The following PLEC variants were observed in gnomAD, a reference collection of about 807,000 sequenced individuals.
The protein encoded by PLEC is hemidesmosomal protein 1.
A neutral mutation model predicts 392.8 loss-of-function variants in PLEC; 216 were observed. The observed-to-expected ratio is 0.55, with a 90% CI of 0.49 to 0.62. The LOEUF (loss-of-function observed/expected upper bound fraction) is 0.62, where lower values mean the gene tolerates loss of function less well. Among genes scored for constraint, PLEC ranks in the 20% least tolerant of loss-of-function variants. The probability of loss-of-function intolerance (pLI) is 0.00; values close to 1 mark genes in which losing one functional copy is unlikely to be tolerated. For synonymous variants in PLEC, 3,621 were observed against 2,980.6 expected (o/e 1.21, Z -7.00); for missense variants, 6,863 against 6,563.4 (o/e 1.05, Z -1.58).
At position 143,919,971 on chromosome 8, in the gene PLEC, C is replaced by G. The variant is rs1554680023; in HGVS notation, c.9850G>C (p.Val3284Leu). ...ACGATGGTAATGAGAATCTTGATGA[C>G]CTTCTCCACGGTGACCTTGCCCGTG... ...FRTGKVTVEKVIKILITIVEE... is the reference protein window; with the variant it reads ...FRTGKVTVEKLIKILITIVEE... The change falls in exon 32 of 32, where the codon GTC becomes CTC. Residue 3284 changes from valine to leucine, a missense_variant. Physicochemically the swap from Val to Leu is conservative, Grantham distance 32. Coordinates refer to ENST00000345136, the MANE Select transcript of PLEC (RefSeq NM_201384.3). The G allele has an allele frequency of 6.2e-7, 1 of 1,613,374 alleles. No individual in the cohort carries two copies. Among genetic ancestry groups the G allele is most frequent in the Non-Finnish European group, 8.5e-7 (1 of 1,180,034 alleles).
intron 1 of PLEC, among the ~76,000 whole-genome samples, chr8:143,960,391 C>T (rs377416463): frequency 1.3e-5 from 2 of 151,938 alleles, no homozygotes; most frequent in Non-Finnish European, 2.9e-5. Flanking sequence ...TCAAGGCGGG[C>T]GGATCACCTG....
Position 143,921,383 on chromosome 8 carries a change from C to T in PLEC, c.8438G>A (p.Gly2813Asp). The change falls in exon 32 of 32, where the codon GGC becomes GAC. Residue 2813 changes from glycine to aspartate, a missense_variant. Coordinates refer to ENST00000345136, the MANE Select transcript of PLEC (RefSeq NM_201384.3). ...IRLLEAQIAT[G>D]GVIDPVHSHR... ...GCTGTGCACGGGGTCGATAACGCCG[C>T]CCGTGGCGATCTGGGCCTCCAGCAG... 1 of 1,613,362 alleles carries T rather than the reference C, an allele frequency of 6.2e-7. No individual in the cohort carries two copies. Among genetic ancestry groups the T allele is most frequent in the Non-Finnish European group, 8.5e-7 (1 of 1,179,786 alleles).
upstream of PLEC, among the ~76,000 whole-genome samples, chr8:143,954,736 G>A (rs1315465631): frequency 1.3e-5 from 2 of 152,198 alleles, no homozygotes; most frequent in Non-Finnish European, 2.9e-5. This position sits in a 1 kb window ranked among gnomAD's most constrained non-coding sequence, Gnocchi z 4.6. Flanking sequence ...GGGGCACGGA[G>A]GAATGCTGGG....
Position 143,969,307 on chromosome 8 carries a change from C to T in PLEC, c.70+4096G>A, listed in dbSNP as rs141190664. 3.6e-3 allele frequency among the ~76,000 whole-genome samples: 553 copies of T among 152,336 alleles called. 1 individual carries two copies. Among genetic ancestry groups the T allele is most frequent in the Non-Finnish European group, 5.5e-3 (375 of 68,022 alleles). ...TTCCTGTCTGCCTGAGCCCCTCAGC[C>T]CCCCCATTCTCCCTGTCCCCCATCC... On this transcript the variant is annotated intron_variant, in intron 1 of 31. Coordinates refer to the PLEC transcript ENST00000356346. This position sits in a 1 kb window ranked among gnomAD's most constrained non-coding sequence, Gnocchi z 5.1.
upstream of PLEC, among the ~76,000 whole-genome samples, chr8:143,951,131 C>A: frequency 6.6e-6 from 1 of 152,116 alleles, no homozygotes; most frequent in Non-Finnish European, 1.5e-5. Flanking sequence ...TAAACACATC[C>A]TTCAAGGTCC....
At chr8:143,932,093 C>T (rs368736773) in intron 17 of PLEC, 37 bp downstream of exon 17, 36 of 1,579,366 alleles carry the variant, frequency 2.3e-5, no homozygotes, top group Middle Eastern at 2.2e-4. Flanking sequence ...CCGGCACGGC[C>T]CCCCCCGCAG....
At position 143,920,672 on chromosome 8, in the gene PLEC, G is replaced by A. The variant is rs1554682587; in HGVS notation, c.9149C>T (p.Pro3050Leu). Residue 3050 changes from proline (P) to leucine (L), a missense_variant, in exon 32 of 32, where the codon CCA (proline) becomes CTA (leucine). Transcript: ENST00000345136. Reference protein sequence around the residue: ...IYNALKKDLLPSDMAVALLEA... With the variant: ...IYNALKKDLLLSDMAVALLEA... ...CAACAGGGCCACGGCCATGTCGGATGGCAGCAGGTCTTTCTTCAGGGCATT... is the reference window on the plus strand; with the variant it reads ...CAACAGGGCCACGGCCATGTCGGATAGCAGCAGGTCTTTCTTCAGGGCATT... The A allele has an allele frequency of 6.2e-7, 1 of 1,603,576 alleles. No homozygotes were observed. Among genetic ancestry groups the A allele is most frequent in the Non-Finnish European group, 8.5e-7 (1 of 1,179,892 alleles).
At position 143,929,401 on chromosome 8, in the gene PLEC, G is replaced by A. The variant is rs553901912; in HGVS notation, c.3081+13C>T. On this transcript the variant is annotated intron_variant, in intron 24 of 31. Transcript: ENST00000345136. ...GAGAGGGATGGGACTGGATGGGGGG[G>A]GACGGCCCCTGCCTGCTGCTCGGCG... The A allele has an allele frequency of 1.3e-6, 2 of 1,561,052 alleles. No homozygotes were observed. Among genetic ancestry groups the A allele is most frequent in the Non-Finnish European group, 1.7e-6 (2 of 1,155,978 alleles).
At chr8:143,942,667 G>A (rs1830726055), upstream of PLEC, 6 of 1,050,352 alleles carry the variant, frequency 5.7e-6, no homozygotes, top group South Asian at 8.8e-5. Context: ...CTGCGGGAGC[G>A]AGGCCCAGAC....
In PLEC at chr8:143,938,227, A is replaced by G; in HGVS notation, c.188T>C (p.Ile63Thr). ...GCGGAGGTCTTCATACAGGTCACTGATGTGCCTCTGGGCCTGTGGGGACAG... is the reference window on the plus strand; with the variant it reads ...GCGGAGGTCTTCATACAGGTCACTGGTGTGCCTCTGGGCCTGTGGGGACAG... ...NKHLIKAQRH[I>T]SDLYEDLRDG... The change falls in exon 3 of 32, where the codon ATC (isoleucine) becomes ACC (threonine). Residue 63 changes from isoleucine to threonine, a missense_variant. Ile to Thr is a moderately conservative substitution (Grantham distance 89). Transcript: ENST00000345136. The G allele has an allele frequency of 1.2e-6, 2 of 1,603,918 alleles. No homozygotes were observed. Among genetic ancestry groups the G allele is most frequent in the Non-Finnish European group, 1.7e-6 (2 of 1,176,706 alleles).
Position 143,929,972 on chromosome 8 carries a change from G to A in PLEC, c.2703C>T (p.Arg901=), listed in dbSNP as rs201130558. 8.3e-5 allele frequency: 134 copies of A among 1,611,466 alleles called. No individual in the cohort carries two copies. The African/African-American group carries it at 1.5e-3, about 18-fold the overall frequency. ...KSLLAWQSLR[R]DVQLIRSWSL... ...ACCAGGAGCGGATGAGCTGCACGTC[G>A]CGGCGAAGGCTCTGCCAGGCCAGAA... The change falls in exon 22 of 32, where the codon CGC becomes CGT. Residue 901 remains arginine, a synonymous_variant. Transcript: ENST00000345136.
chr8:143,951,913 C>T (rs1554736932), upstream of PLEC, among the ~76,000 whole-genome samples: 1 of 151,840 alleles, frequency 6.6e-6, no homozygotes, highest in Non-Finnish European at 1.5e-5. Flanking sequence ...AGGGTCCAGG[C>T]ATGAGAACCG....
rs3135102 is a variant in PLEC at position 143,933,211 on chromosome 8, C to T, written c.1404G>A (p.Glu468=). 3.1e-6 allele frequency: 5 copies of T among 1,612,758 alleles called. No homozygotes were observed. The highest frequency in any genetic ancestry group is 4.2e-6 in the Non-Finnish European group (5 of 1,179,930). ...TLKDGRHPQG[E]QMYRRVYRLH... ...GCGGGGCCCACCTGCGGTACATCTGCTCGCCCTGCGGGTGCCGTCCATCCT... is the reference window on the plus strand; with the variant it reads ...GCGGGGCCCACCTGCGGTACATCTGTTCGCCCTGCGGGTGCCGTCCATCCT... The change falls in exon 13 of 32, where the codon GAG becomes GAA. Residue 468 remains glutamate (E), a synonymous_variant. Transcript: ENST00000345136.
At chr8:143,946,257 C>A (rs1461626625) in intron 1 of PLEC, 4 of 983,340 alleles carry the variant, frequency 4.1e-6, no homozygotes. Context: ...TCTGACGGCA[C>A]AGAACGGTGG....
In PLEC at chr8:143,933,200, C is replaced by A. The variant is rs374962842; in HGVS notation, c.1415G>T (p.Arg472Leu). The stretch of plus-strand genomic sequence containing the variant: ...GGGAGGGCAGGGCGGGGCCCACCTG[C>A]GGTACATCTGCTCGCCCTGCGGGTG... ...GRHPQGEQMY[R>L]RVYRLHERLV... The change falls in exon 13 of 32, where the codon CGC becomes CTC. Residue 472 changes from arginine (R) to leucine (L), a missense_variant. By Grantham distance (102) the Arg-to-Leu change is moderately radical. Coordinates refer to ENST00000345136, the MANE Select transcript of PLEC (RefSeq NM_201384.3). 6.2e-7 allele frequency: 1 copy of A among 1,612,478 alleles called. No homozygotes were observed. The highest frequency in any genetic ancestry group is 1.7e-4 in the Middle Eastern group (1 of 6,060).
upstream of PLEC, among the ~76,000 whole-genome samples, chr8:143,973,758 C>T (rs1240787757): frequency 1.3e-5 from 2 of 151,494 alleles, no homozygotes; most frequent in African/African-American, 2.4e-5. This position sits in a 1 kb window ranked among gnomAD's most constrained non-coding sequence, Gnocchi z 5.6. Context: ...CGCGGTCGCC[C>T]GGGGGTCCTC....
Position 143,915,323 on chromosome 8 carries a change from G to C in PLEC, c.*854C>G, listed in dbSNP as rs1563909239. On this transcript the variant is annotated 3_prime_UTR_variant, in exon 32 of 32. Coordinates refer to ENST00000345136, the MANE Select transcript of PLEC (RefSeq NM_201384.3). ...GGTGGAGGCAGGGGTGGTCGCTGCTGAGACCAGGGCTGGGTGCAACAGGAG... is the reference window on the plus strand; with the variant it reads ...GGTGGAGGCAGGGGTGGTCGCTGCTCAGACCAGGGCTGGGTGCAACAGGAG... The C allele has an allele frequency of 6.6e-6, 1 of 152,394 alleles. No individual in the cohort carries two copies. Among genetic ancestry groups the C allele is most frequent in the Non-Finnish European group, 1.5e-5 (1 of 68,092 alleles). 9.4% of individuals were successfully genotyped at this position (152,394 alleles called of 1,614,324 possible).
chr8:143,929,968 C>A lies in PLEC; in HGVS notation c.2707G>T (p.Val903Leu). The A allele has an allele frequency of 6.2e-7, 1 of 1,611,310 alleles. No individual in the cohort carries two copies. The highest frequency in any genetic ancestry group is 8.5e-7 in the Non-Finnish European group (1 of 1,179,544). The change falls in exon 22 of 32, where the codon GTG becomes TTG. Residue 903 changes from valine (V) to leucine (L), a missense_variant. By Grantham distance (32) the Val-to-Leu change is conservative. Coordinates refer to ENST00000345136, the MANE Select transcript of PLEC (RefSeq NM_201384.3). ...AGGGACCAGGAGCGGATGAGCTGCA[C>A]GTCGCGGCGAAGGCTCTGCCAGGCC... is the stretch of plus-strand genomic sequence containing the variant. ...LLAWQSLRRD[V>L]QLIRSWSLAT...
At chr8:143,931,807 G>C (rs184117427) in intron 18 of PLEC, 130 bp downstream of exon 18, 70 of 1,448,132 alleles carry the variant, frequency 4.8e-5, no homozygotes, top group Non-Finnish European at 4.1e-5. Flanking sequence ...CCAAGGCCCC[G>C]GTCAGGCTGC....
Sources: gnomAD v4.1 joint callset for allele counts (sites outside exome capture counted in the v4.1 genomes callset) on GRCh38, gnomAD v4.1.1 for gene constraint, Gnocchi (gnomAD v3.1) non-coding constraint, MANE v1.5 for transcripts, NCBI Gene and HGNC (gene_info 2026-07-23, HGNC 2026-07-21) for gene names.